ANK1: variants seen among roughly 807,000 people sequenced by gnomAD.
ANK1 encodes the protein ankyrin 1.
Under a neutral mutation model 210.4 loss-of-function variants are expected in ANK1, and 51 were observed. That is an observed-to-expected ratio of 0.24 (90% CI 0.19 to 0.31). The LOEUF (loss-of-function observed/expected upper bound fraction) is 0.31, where lower values mean the gene tolerates loss of function less well. ANK1 is among the 10% of genes least tolerant of loss of function. The probability of loss-of-function intolerance (pLI) is 1.00; values close to 1 mark genes in which losing one functional copy is unlikely to be tolerated. For synonymous variants in ANK1, 967 were observed against 1,025.9 expected, an observed-to-expected ratio of 0.94 and a Z score of 1.10; for missense variants, 2,051 against 2,504.4, an observed-to-expected ratio of 0.82 and a Z score of 3.86.
At chr8:41,709,643 T>C (rs1436852564) in intron 16 of ANK1, among the ~76,000 whole-genome samples, 1 of 152,212 alleles carries the variant, frequency 6.6e-6, no homozygotes, top group East Asian at 1.9e-4. Flanking sequence ...AAAATTAAGA[T>C]ATAAAAAGTT....
chr8:41,896,198 C>A (rs555009085), intron 1 of ANK1, among the ~76,000 whole-genome samples: 84 of 152,218 alleles, frequency 5.5e-4, no homozygotes, highest in African/African-American at 1.9e-3. Context: ...AGCCTCCGTC[C>A]CTCCTCTACG....
intron 1 of ANK1, among the ~76,000 whole-genome samples, chr8:41,783,939 C>A (rs935634031): frequency 5.9e-5 from 9 of 151,926 alleles, no homozygotes. Context: ...TGGCATGCAC[C>A]TATAGTCCCA....
rs909520410 is a variant in ANK1, at chr8:41,723,586, G to A, written c.759C>T (p.Ile253=). The A allele has an allele frequency of 3.7e-6, 6 of 1,613,954 alleles. No homozygotes were observed. In the Admixed American group the frequency reaches 5.0e-5, roughly 13 times the overall value. ...LHIASRRGNV[I]MVRLLLDRGA... ...CCCGATCCAGCAGCAGCCGCACCAT[G>A]ATCACGTTGCCCCTGCGGGAGGCGA... The change falls in exon 8 of 43, where the codon ATC becomes ATT. Residue 253 remains isoleucine, a synonymous_variant. Transcript: ENST00000289734.
chr8:41,854,317 G>A (rs1177185551), intron 1 of ANK1, among the ~76,000 whole-genome samples: 4 of 152,176 alleles, frequency 2.6e-5, no homozygotes, highest in Admixed American at 2.0e-4. Flanking sequence ...TCCGAATCTA[G>A]ATTAAAACCT....
At chr8:41,883,256 A>G (rs1199192921) in intron 1 of ANK1, among the ~76,000 whole-genome samples, 1 of 152,158 alleles carries the variant, frequency 6.6e-6, no homozygotes, top group African/African-American at 2.4e-5. Context: ...GGTACTAATG[A>G]GGTGGATGGC....
intron 38 of ANK1, 146 bp from the exon 39 acceptor site, chr8:41,668,710 G>A: frequency 1.1e-6 from 1 of 917,438 alleles, no homozygotes; most frequent in Non-Finnish European, 1.6e-6. Flanking sequence ...TCCCTCCAAA[G>A]GTCAGGGGCG....
rs1373512845 is a variant in ANK1 at position 41,704,485 on chromosome 8, T to C, written c.2098-13A>G. ...GAGTGTAGCCCATCTGAAAAGCAGA[T>C]GAGAAGGAGTGACCGGAGCTGTCCT... On this transcript the variant is annotated splice_polypyrimidine_tract_variant and intron_variant, in intron 18 of 42. Transcript: ENST00000289734. This position sits in a 1 kb window ranked among gnomAD's most constrained non-coding sequence, Gnocchi z 4.1. 6.2e-7 allele frequency: 1 copy of C among 1,606,512 alleles called. No individual in the cohort carries two copies. The highest frequency in any genetic ancestry group is 2.2e-5 in the East Asian group (1 of 44,848).
intron 23 of ANK1, among the ~76,000 whole-genome samples, chr8:41,699,242 C>T (rs1305754139): frequency 2.6e-5 from 4 of 152,068 alleles, no homozygotes; most frequent in Non-Finnish European, 5.9e-5. Context: ...AGCAGAGAGG[C>T]GTCCAGGCAG....
chr8:41,705,351 G>C (rs570997837), intron 18 of ANK1, among the ~76,000 whole-genome samples: 8 of 152,316 alleles, frequency 5.3e-5, no homozygotes, highest in Non-Finnish European at 1.0e-4. Context: ...AACGGGGCCC[G>C]CAAGTGAAGC....
intron 16 of ANK1, among the ~76,000 whole-genome samples, chr8:41,710,640 C>T (rs67814672): frequency 0.2 from 30,613 of 152,236 alleles, 3,528 homozygotes; most frequent in Middle Eastern, 0.31. Flanking sequence ...ACGTCCTGGA[C>T]ATGCGCCCAC....
At chr8:41,862,627 A>G (rs1408963522) in intron 1 of ANK1, among the ~76,000 whole-genome samples, 2 of 146,522 alleles carry the variant, frequency 1.4e-5, no homozygotes, top group Non-Finnish European at 3.0e-5. Flanking sequence ...TAGGAAAAGG[A>G]GCAGAGGAAG....
chr8:41,748,927 T>C (rs1480496024), intron 2 of ANK1, among the ~76,000 whole-genome samples: 1 of 151,456 alleles, frequency 6.6e-6, no homozygotes, highest in African/African-American at 2.4e-5. Context: ...CCCAGCTACT[T>C]GGGGGGCTGA....
Position 41,782,242 on chromosome 8 carries a change from A to G in ANK1, c.27+15270T>C, listed in dbSNP as rs76584894. 1.0e-3 allele frequency among the ~76,000 whole-genome samples: 156 copies of G among 152,292 alleles called. 1 individual carries two copies. The East Asian group carries it at 0.028, about 27-fold the overall frequency. ...TATTTCCATAGAGAGCTTTCAAACCAAACATGCAAACTCACAAGGCCAAAA... is the reference window on the plus strand; with the variant it reads ...TATTTCCATAGAGAGCTTTCAAACCGAACATGCAAACTCACAAGGCCAAAA... On this transcript the variant is annotated intron_variant, in intron 1 of 42. Transcript: ENST00000289734.
chr8:41,813,768 T>G (rs1467189545), intron 1 of ANK1, among the ~76,000 whole-genome samples: 1 of 152,224 alleles, frequency 6.6e-6, no homozygotes, highest in Admixed American at 6.5e-5. Flanking sequence ...TGAATTCCTC[T>G]CTTTTCAAGA....
At chr8:41,772,768 C>A (rs922544790) in intron 1 of ANK1, among the ~76,000 whole-genome samples, 5 of 152,232 alleles carry the variant, frequency 3.3e-5, no homozygotes. Flanking sequence ...ACCCGTTGGG[C>A]TCTCCTCCTG....
At chr8:41,790,847 C>T (rs1054608714) in intron 1 of ANK1, among the ~76,000 whole-genome samples, 1 of 152,148 alleles carries the variant, frequency 6.6e-6, no homozygotes, top group Non-Finnish European at 1.5e-5. Flanking sequence ...GCCGTGTAGA[C>T]AGAACATTAG....
At chr8:41,732,572 C>A (rs1161110838) in intron 3 of ANK1, among the ~76,000 whole-genome samples, 1 of 151,990 alleles carries the variant, frequency 6.6e-6, no homozygotes, top group Admixed American at 6.6e-5. Context: ...GCCACCACGA[C>A]TGGCTGATTT....
Position 41,663,678 on chromosome 8 carries a change from C to G in ANK1, c.5459G>C (p.Gly1820Ala). ...ACCCACCTTCTTGGTGACAATGTTG[C>G]CCTGCTCATCCGTGAATTGCTCCTC... ...VTEEQFTDEQGNIVTKKIIRK... is the reference protein window; with the variant it reads ...VTEEQFTDEQANIVTKKIIRK... Residue 1820 changes from glycine (G) to alanine (A), a missense_variant, in exon 40 of 43, where the codon GGC becomes GCC. Physicochemically the swap from Gly to Ala is moderately conservative, Grantham distance 60. Coordinates refer to ENST00000289734, the MANE Select transcript of ANK1 (RefSeq NM_000037.4). The G allele has an allele frequency of 6.2e-7, 1 of 1,614,082 alleles. No individual in the cohort carries two copies. Among genetic ancestry groups the G allele is most frequent in the Non-Finnish European group, 8.5e-7 (1 of 1,179,936 alleles).
At chr8:41,842,386 G>T (rs978561251) in intron 1 of ANK1, among the ~76,000 whole-genome samples, 1 of 152,084 alleles carries the variant, frequency 6.6e-6, no homozygotes, top group Non-Finnish European at 1.5e-5. Flanking sequence ...CCAGCTACTT[G>T]GGAGGCTGAG....
Sources: allele counts gnomAD v4.1 joint callset (sites outside exome capture counted in the v4.1 genomes callset), GRCh38; gene constraint gnomAD v4.1.1; non-coding constraint Gnocchi (gnomAD v3.1); transcripts MANE v1.5; gene names NCBI Gene and HGNC (gene_info 2026-07-23, HGNC 2026-07-21).